Variants in SLC36A3 observed in about 807,000 individuals in gnomAD.
SLC36A3 encodes solute carrier family 36 member 3, also known as proton-coupled amino acid transporter 3.
SLC36A3 carries 35 observed loss-of-function variants against 44.3 expected under a neutral mutation model. The observed-to-expected ratio is 0.79, with a 90% CI of 0.60 to 1.05. SLC36A3 has a LOEUF of 1.05. Ranked by LOEUF, SLC36A3 falls within the 50% of genes least tolerant of loss-of-function variation. The pLI is 0.00. For synonymous variants in SLC36A3, 211 were observed against 227.6 expected (o/e 0.93, Z 0.66); for missense variants, 540 against 578.7 (o/e 0.93, Z 0.69).
At chr5:151,283,643 T>A (rs545016137) in intron 8 of SLC36A3, among the ~76,000 whole-genome samples, 7 of 152,338 alleles carry the variant, frequency 4.6e-5, no homozygotes, top group Middle Eastern at 3.4e-3. Flanking sequence ...AAATGCACCA[T>A]CATCCTACTC....
chr5:151,288,750 T>C (rs1361442862), intron 4 of SLC36A3, among the ~76,000 whole-genome samples: 2 of 151,600 alleles, frequency 1.3e-5, no homozygotes, highest in African/African-American at 4.8e-5. Flanking sequence ...AATATTCGTC[T>C]ATACACACAC....
chr5:151,296,326 GC>G, intron 2 of SLC36A3, 58 bp from the exon 3 acceptor site: 1 of 1,461,912 alleles, frequency 6.8e-7, no homozygotes, highest in Non-Finnish European at 9.6e-7. Flanking sequence ...CCATTCCCTG[GC>G]CCTCTCACAG....
Position 151,290,878 on chromosome 5 carries a change from A to T in SLC36A3, c.405-2408T>A, listed in dbSNP as rs1346412428. Among the ~76,000 whole-genome samples the T allele has an allele frequency of 2.0e-5, 3 of 150,894 alleles. No homozygotes were observed. In the East Asian group the frequency reaches 5.8e-4, roughly 29 times the overall value. On this transcript the variant is annotated intron_variant, in intron 4 of 9. Coordinates refer to ENST00000335230, the MANE Select transcript of SLC36A3 (RefSeq NM_181774.4). ...CCACTGCACTCCAGACTCTGTCTCA[A>T]AATAATAATAATAATAATAATAATT...
At chr5:151,289,595 ATT>A (rs1754682155) in intron 4 of SLC36A3, among the ~76,000 whole-genome samples, 1 of 152,076 alleles carries the variant, frequency 6.6e-6, no homozygotes, top group African/African-American at 2.4e-5. Flanking sequence ...ACACTGAATT[ATT>A]TTATTTTATT....
intron 4 of SLC36A3, among the ~76,000 whole-genome samples, chr5:151,293,147 T>C (rs1471279498): frequency 6.6e-6 from 1 of 152,164 alleles, no homozygotes; most frequent in African/African-American, 2.4e-5. Context: ...GATGTACATG[T>C]AGAGAAAAAA....
chr5:151,290,524 T>C (rs932292955), intron 4 of SLC36A3, among the ~76,000 whole-genome samples: 1 of 152,230 alleles, frequency 6.6e-6, no homozygotes, highest in African/African-American at 2.4e-5. Context: ...CTCTATCTCT[T>C]CAGCCCCATC....
intron 1 of SLC36A3, among the ~76,000 whole-genome samples, chr5:151,302,510 G>T (rs1435500591): frequency 6.7e-6 from 1 of 148,492 alleles, no homozygotes; most frequent in Non-Finnish European, 1.5e-5. Context: ...TTGTAAGTGG[G>T]AGCTGAACAA....
rs776502540 is a variant in SLC36A3, at chr5:151,303,470, C to T, written c.-116G>A. On this transcript the variant is annotated 5_prime_UTR_variant, in exon 1 of 10. Coordinates refer to ENST00000335230, the MANE Select transcript of SLC36A3 (RefSeq NM_181774.4). The stretch of plus-strand genomic sequence containing the variant: ...GACCTGAGATGCTGGCTCCTAACCC[C>T]AAGGATGCGTGCTGCTGGCTGAAGC... 1.9e-5 allele frequency: 22 copies of T among 1,154,946 alleles called. No homozygotes were observed. Among genetic ancestry groups the T allele is most frequent in the Non-Finnish European group, 2.4e-5 (20 of 816,478 alleles). The allele number at this position is 1,154,946 out of a possible 1,614,324, so 71.5% of individuals were successfully genotyped here. A position where few individuals can be genotyped will look rare whatever the true frequency, so the allele number is the denominator to read the frequency against.
intron 1 of SLC36A3, among the ~76,000 whole-genome samples, 160 bp from the exon 2 acceptor site, chr5:151,298,843 C>T (rs1755053237): frequency 6.6e-6 from 1 of 152,128 alleles, no homozygotes; most frequent in Admixed American, 6.5e-5. Context: ...AGGGGTCTGT[C>T]CTGGAACATC....
Position 151,303,476 on chromosome 5 carries a change from T to C in SLC36A3, c.-122A>G. 1 of 1,093,380 alleles carries C rather than the reference T, an allele frequency of 9.1e-7. No homozygotes were observed. The highest frequency in any genetic ancestry group is 2.5e-5 in the Admixed American group (1 of 40,540). The allele number at this position is 1,093,380 out of a possible 1,614,324, so 67.7% of individuals were successfully genotyped here. Reference sequence around the variant, plus strand: ...AGATGCTGGCTCCTAACCCCAAGGATGCGTGCTGCTGGCTGAAGCCTGAAG... The same window carrying C: ...AGATGCTGGCTCCTAACCCCAAGGACGCGTGCTGCTGGCTGAAGCCTGAAG... On this transcript the variant is annotated 5_prime_UTR_variant, in exon 1 of 10. Coordinates refer to ENST00000335230, the MANE Select transcript of SLC36A3 (RefSeq NM_181774.4).
intron 8 of SLC36A3, 88 bp downstream of exon 8, chr5:151,283,956 A>G: frequency 6.9e-7 from 1 of 1,451,030 alleles, no homozygotes; most frequent in Non-Finnish European, 9.2e-7. Flanking sequence ...TACCAGCTTC[A>G]TGGCTCAGCT....
chr5:151,293,512 C>A, intron 3 of SLC36A3, 53 bp from the exon 4 acceptor site: 1 of 1,434,440 alleles, frequency 7.0e-7, no homozygotes, highest in South Asian at 1.3e-5. Flanking sequence ...GTTAAAGGTA[C>A]AGTTTTCTCC....
chr5:151,296,498 C>G, intron 2 of SLC36A3: 1 of 579,020 alleles, frequency 1.7e-6, no homozygotes, highest in Non-Finnish European at 3.1e-6. Context: ...TGACAGAGAG[C>G]TCATTACCTT....
intron 4 of SLC36A3, among the ~76,000 whole-genome samples, chr5:151,292,850 G>T (rs1369027009): frequency 6.6e-6 from 1 of 152,148 alleles, no homozygotes; most frequent in Non-Finnish European, 1.5e-5. Flanking sequence ...CAGGCGTGGT[G>T]GTGGGCGCCT....
rs181651188 is a variant in SLC36A3 at position 151,287,571 on chromosome 5, C to A, written c.490-107G>T. 8.3e-5 allele frequency: 85 copies of A among 1,026,206 alleles called. No individual in the cohort carries two copies. The Middle Eastern group carries it at 1.3e-3, about 15-fold the overall frequency. The allele number at this position is 1,026,206 out of a possible 1,614,324, so 63.6% of individuals were successfully genotyped here. On this transcript the variant is annotated intron_variant, in intron 5 of 9. Transcript: ENST00000335230. ...ATGTAACTTTTTAGTATAAATATGC[C>A]CCAAATATTGCATAAGACACGCTCA... is the stretch of plus-strand genomic sequence containing the variant.
chr5:151,299,914 A>G (rs2127273906), intron 1 of SLC36A3, among the ~76,000 whole-genome samples: 1 of 152,350 alleles, frequency 6.6e-6, no homozygotes, highest in East Asian at 1.9e-4. Flanking sequence ...TCTCATCATC[A>G]TCATCATCCT....
chr5:151,284,603 T>C lies in SLC36A3; in HGVS notation c.807+10A>G. 6.2e-7 allele frequency: 1 copy of C among 1,603,156 alleles called. No individual in the cohort carries two copies. Among genetic ancestry groups the C allele is most frequent in the Non-Finnish European group, 8.5e-7 (1 of 1,172,990 alleles). ...CTAGGGACCATTCGCGTGAACCCCA[T>C]CAATCTTACCATACCGACGCCTTCA... On this transcript the variant is annotated intron_variant, in intron 7 of 9. Transcript: ENST00000335230.
chr5:151,293,928 C>T (rs1216456879), intron 3 of SLC36A3, among the ~76,000 whole-genome samples: 1 of 152,254 alleles, frequency 6.6e-6, no homozygotes, highest in Non-Finnish European at 1.5e-5. Flanking sequence ...TGCCCAAGTT[C>T]CAGCCTATTC....
At chr5:151,302,780 ATG>A (rs1256695295) in intron 1 of SLC36A3, among the ~76,000 whole-genome samples, 1 of 152,094 alleles carries the variant, frequency 6.6e-6, no homozygotes, top group African/African-American at 2.4e-5. Flanking sequence ...GAAGAGTTCC[ATG>A]TGTCTGAGTT....
Sources: gnomAD v4.1 joint callset for allele counts (sites outside exome capture counted in the v4.1 genomes callset) on GRCh38, gnomAD v4.1.1 for gene constraint, MANE v1.5 for transcripts, NCBI Gene and HGNC (gene_info 2026-07-23, HGNC 2026-07-21) for gene names.